SLC36A4: variants seen among roughly 807,000 people sequenced by gnomAD.
The protein encoded by SLC36A4 is neutral amino acid uniporter 4.
Under a neutral mutation model 50.5 loss-of-function variants are expected in SLC36A4, and 49 were observed. That is an observed-to-expected ratio of 0.97 (90% CI 0.77 to 1.23). The LOEUF (loss-of-function observed/expected upper bound fraction) is 1.23. Ranked by LOEUF, SLC36A4 falls within the 50% of genes most tolerant of loss-of-function variation. The pLI is 0.00. For missense variants in SLC36A4, 611 were observed against 608.4 expected, an observed-to-expected ratio of 1.00 and a Z score of -0.05; for synonymous variants, 207 against 206.5, an observed-to-expected ratio of 1.00 and a Z score of -0.02.
At chr11:93,169,920 A>G (rs1861052584) in intron 6 of SLC36A4, among the ~76,000 whole-genome samples, 1 of 152,094 alleles carries the variant, frequency 6.6e-6, no homozygotes, top group Non-Finnish European at 1.5e-5. Context: ...AAGCTCTAAC[A>G]AGGATAACTG....
intron 9 of SLC36A4, chr11:93,154,826 T>C (rs1860276055): frequency 6.6e-6 from 1 of 152,266 alleles, no homozygotes; most frequent in Middle Eastern, 3.4e-3. Context: ...ATACAATCTA[T>C]TGTTTAAAAT....
At chr11:93,189,968 A>T (rs1862145421) in intron 1 of SLC36A4, among the ~76,000 whole-genome samples, 1 of 152,224 alleles carries the variant, frequency 6.6e-6, no homozygotes, top group Non-Finnish European at 1.5e-5. Context: ...TTTTAAAAAT[A>T]GTATTACAAT....
chr11:93,187,323 C>T (rs1862031030), intron 1 of SLC36A4, among the ~76,000 whole-genome samples: 1 of 152,158 alleles, frequency 6.6e-6, no homozygotes, highest in South Asian at 2.1e-4. Flanking sequence ...AGTCAGTTTT[C>T]CCAGGGCTAC....
chr11:93,154,077 T>C (rs772554735), intron 10 of SLC36A4, 31 bp downstream of exon 10: 3 of 1,004,506 alleles, frequency 3.0e-6, no homozygotes, highest in South Asian at 4.7e-5. Flanking sequence ...AATAAAAAAT[T>C]ATTATGATAT....
rs1198263000 is a variant in SLC36A4, at chr11:93,158,264, TGTTA to T, written c.1038-3991_1038-3988del. ...CTGTGGATAATTAAACAAATATTCT[TGTTA>T]GTTAATTAGTTTAACAGGACATTCC... On this transcript the variant is annotated intron_variant, in intron 9 of 10. Transcript: ENST00000326402. Among the ~76,000 whole-genome samples, 38 of 152,298 alleles carry T rather than the reference TGTTA, an allele frequency of 2.5e-4. 1 individual carries two copies. Among genetic ancestry groups the T allele is most frequent in the Admixed American group, 9.8e-4 (15 of 15,292 alleles).
chr11:93,175,939 A>G (rs1246081112), intron 6 of SLC36A4, among the ~76,000 whole-genome samples: 2 of 132,818 alleles, frequency 1.5e-5, no homozygotes, highest in East Asian at 4.3e-4. Flanking sequence ...TTTGGGGTGG[A>G]GAGTTCTGTA....
At chr11:93,175,432 T>C (rs1861414905) in intron 6 of SLC36A4, among the ~76,000 whole-genome samples, 1 of 150,928 alleles carries the variant, frequency 6.6e-6, no homozygotes, top group African/African-American at 2.4e-5. Flanking sequence ...AAGGGTTTTT[T>C]GTGTCTCTAT....
intron 6 of SLC36A4, among the ~76,000 whole-genome samples, chr11:93,179,835 C>A (rs997742828): frequency 3.3e-5 from 5 of 152,092 alleles, no homozygotes; most frequent in Non-Finnish European, 7.4e-5. Context: ...CATATTGTTG[C>A]CTATGGCTGA....
intron 1 of SLC36A4, chr11:93,193,151 A>C (rs1862283431): frequency 2.3e-6 from 1 of 438,714 alleles, no homozygotes; most frequent in Admixed American, 6.4e-5. Context: ...ATAATAATTA[A>C]TACTTCTGAG....
intron 8 of SLC36A4, among the ~76,000 whole-genome samples, chr11:93,163,682 T>C (rs949801491): frequency 6.6e-6 from 1 of 152,198 alleles, no homozygotes; most frequent in Admixed American, 6.5e-5. Flanking sequence ...ACTCTGTTTA[T>C]TGAAAGCCAA....
At chr11:93,170,035 G>A (rs1861057506) in intron 6 of SLC36A4, 1 of 151,844 alleles carries the variant, frequency 6.6e-6, no homozygotes, top group South Asian at 2.1e-4. Context: ...TAGTATTTTA[G>A]CATTTTTGGC....
In SLC36A4 at chr11:93,185,732, A is replaced by G. The variant is rs1861956014; in HGVS notation, c.138T>C (p.Pro46=). Residue 46 remains proline, a synonymous_variant, in exon 2 of 11, where the codon CCT becomes CCC. Transcript: ENST00000326402. The stretch of plus-strand genomic sequence containing the variant: ...CATCAAGTTGGTAATGCTTCTGAAC[A>G]GGCAGAAGCTCTTGCTCATGTTCTT... ...SDEEHEQELL[P]VQKHYQLDDQ... is the part of the protein sequence containing the mutation. The G allele has an allele frequency of 1.2e-6, 2 of 1,606,446 alleles. No homozygotes were observed. Among genetic ancestry groups the G allele is most frequent in the Non-Finnish European group, 1.7e-6 (2 of 1,177,758 alleles).
chr11:93,157,358 T>G (rs969421797), intron 9 of SLC36A4, among the ~76,000 whole-genome samples: 1 of 152,204 alleles, frequency 6.6e-6, no homozygotes, highest in African/African-American at 2.4e-5. Flanking sequence ...AATTTTAAAA[T>G]AGTTTTTTCT....
intron 1 of SLC36A4, among the ~76,000 whole-genome samples, chr11:93,192,409 AGAGGT>A (rs1862252187): frequency 1.3e-5 from 2 of 152,270 alleles, no homozygotes; most frequent in South Asian, 2.1e-4. Context: ...AGATCAGATC[AGAGGT>A]GACAGAAAGC....
At position 93,168,029 on chromosome 11, in the gene SLC36A4, T is replaced by C; in HGVS notation, c.683A>G (p.Glu228Gly). The C allele has an allele frequency of 1.2e-6, 2 of 1,612,708 alleles. No individual in the cohort carries two copies. Among genetic ancestry groups the C allele is most frequent in the Non-Finnish European group, 1.7e-6 (2 of 1,179,178 alleles). The change falls in exon 7 of 11, where the codon GAA (glutamate) becomes GGA (glycine). Residue 228 changes from glutamate to glycine, a missense_variant. Physicochemically the swap from Glu to Gly is moderately conservative, Grantham distance 98 (BLOSUM62 -2). Transcript: ENST00000326402. The part of the protein sequence containing the change: ...PFIILLVFIR[E>G]LKNLFVLSFL... ...TGAAAGTACAAATAGATTCTTTAGT[T>C]CACGAATGAAGACCAAAAGAATTAT...
intron 8 of SLC36A4, 35 bp from the exon 9 acceptor site, chr11:93,162,910 A>C: frequency 6.3e-7 from 1 of 1,580,774 alleles, no homozygotes; most frequent in Non-Finnish European, 8.6e-7. Flanking sequence ...TTTTAAGGGA[A>C]TACAAGTATT....
rs752961401 is a variant in SLC36A4 at position 93,148,557 on chromosome 11, A to G, written c.1495T>C (p.Leu499=). Residue 499 remains leucine, a synonymous_variant, in exon 11 of 11, where the codon TTA becomes CTA. Coordinates refer to ENST00000326402, the MANE Select transcript of SLC36A4 (RefSeq NM_152313.4). ...TTTTACTATTTCAAACCAGATGTTA[A>G]GCATGTTGAATTCAAATTTAGAAAA... ...SPFLNLNSTC[L]TSGLK 5 of 1,610,494 alleles carry G rather than the reference A, an allele frequency of 3.1e-6. No individual in the cohort carries two copies. The highest frequency in any genetic ancestry group is 3.4e-6 in the Non-Finnish European group (4 of 1,178,780).
At chr11:93,165,157 T>A (rs1052986186) in intron 8 of SLC36A4, among the ~76,000 whole-genome samples, 1 of 152,156 alleles carries the variant, frequency 6.6e-6, no homozygotes, top group African/African-American at 2.4e-5. Flanking sequence ...TTATTTTAGA[T>A]CTATTTTGTC....
chr11:93,195,920 C>A (rs936249854), intron 1 of SLC36A4, among the ~76,000 whole-genome samples: 2 of 152,288 alleles, frequency 1.3e-5, no homozygotes, highest in African/African-American at 4.8e-5. Context: ...CCTTACCCTG[C>A]TCTTGTTTTC....
Sources: gnomAD v4.1 joint callset for allele counts (sites outside exome capture counted in the v4.1 genomes callset) on GRCh38, gnomAD v4.1.1 for gene constraint, MANE v1.5 for transcripts, NCBI Gene and HGNC (gene_info 2026-07-23, HGNC 2026-07-21) for gene names.